Variants in RNFT2 observed in about 807,000 individuals in gnomAD.
RNFT2 encodes the protein ring finger protein, transmembrane 2.
In RNFT2, 36 loss-of-function variants were observed where a neutral mutation model predicts 53.0. The ratio of observed to expected loss-of-function variants is 0.68; its 90% CI spans 0.52 to 0.90. RNFT2 has a LOEUF of 0.90. Among genes scored for constraint, RNFT2 ranks in the 40% least tolerant of loss-of-function variants. The probability of loss-of-function intolerance (pLI) is 0.00; values close to 1 mark genes in which losing one functional copy is unlikely to be tolerated. For missense variants in RNFT2, 514 were observed against 585.6 expected, an observed-to-expected ratio of 0.88 and a Z score of 1.26; for synonymous variants, 260 against 253.2, an observed-to-expected ratio of 1.03 and a Z score of -0.26.
chr12:116,800,424 C>T lies in RNFT2; in HGVS notation c.882+21076C>T, dbSNP rs150980888. ...GAAGCGGGCAGATCACCTGAGGTCA[C>T]GGGTTCAAGTCCAGCCTGGCCAACA... On this transcript the variant is annotated intron_variant, in intron 7 of 10. Transcript: ENST00000257575. Among the ~76,000 whole-genome samples, 6 of 151,770 alleles carry T rather than the reference C, an allele frequency of 4.0e-5. No homozygotes were observed. The East Asian group carries it at 5.8e-4, about 15-fold the overall frequency.
At chr12:116,757,084 C>T (rs943252793) in intron 5 of RNFT2, among the ~76,000 whole-genome samples, 9 of 152,044 alleles carry the variant, frequency 5.9e-5, no homozygotes, top group African/African-American at 2.2e-4. Flanking sequence ...ATTTATCCAT[C>T]TCTTCTAGGT....
intron 1 of RNFT2, among the ~76,000 whole-genome samples, chr12:116,739,513 A>C (rs1871491166): frequency 6.6e-6 from 1 of 152,260 alleles, no homozygotes; most frequent in Admixed American, 6.5e-5. Context: ...TGAATAATAT[A>C]AAACAGGGCA....
chr12:116,836,101 C>A, intron 9 of RNFT2, 76 bp downstream of exon 9: 3 of 1,600,100 alleles, frequency 1.9e-6, no homozygotes, highest in Non-Finnish European at 1.7e-6. Context: ...CCTTCCTCAG[C>A]CCACAGATCT....
At chr12:116,845,565 A>C (rs1877569138) in intron 10 of RNFT2, among the ~76,000 whole-genome samples, 2 of 152,102 alleles carry the variant, frequency 1.3e-5, no homozygotes, top group Non-Finnish European at 2.9e-5. Flanking sequence ...GTTGGTTGGA[A>C]GGCTGTGAAT....
rs1875673685 is a variant in RNFT2, at chr12:116,816,414, T to C, written c.883-17378T>C. Among the ~76,000 whole-genome samples, 12 of 152,178 alleles carry C rather than the reference T, an allele frequency of 7.9e-5. No homozygotes were observed. The South Asian group carries it at 2.5e-3, about 32-fold the overall frequency. ...GCCTGGCCCCAAGGACTCTGCCAGCTGGCCCCTGGGACCATAGCACCAGAG... is the reference window on the plus strand; with the variant it reads ...GCCTGGCCCCAAGGACTCTGCCAGCCGGCCCCTGGGACCATAGCACCAGAG... On this transcript the variant is annotated intron_variant, in intron 7 of 10. Transcript: ENST00000257575.
In RNFT2 at chr12:116,813,438, T is replaced by C. The variant is rs368390146; in HGVS notation, c.883-20354T>C. 2.0e-4 allele frequency among the ~76,000 whole-genome samples: 31 copies of C among 152,316 alleles called. No individual in the cohort carries two copies. In the East Asian group the frequency reaches 2.1e-3, roughly 10 times the overall value. On this transcript the variant is annotated intron_variant, in intron 7 of 10. Transcript: ENST00000257575. ...TAGGAACACTGTCTCCCCAGCCCCATCTGGCTGACCCCTCATCACCCCATC... is the reference window on the plus strand; with the variant it reads ...TAGGAACACTGTCTCCCCAGCCCCACCTGGCTGACCCCTCATCACCCCATC...
rs188134222 is a variant in RNFT2 at position 116,740,393 on chromosome 12, G to A, written c.-105G>A. 491 of 1,145,416 alleles carry A rather than the reference G, an allele frequency of 4.3e-4. 2 individuals are homozygous for A. In the African/African-American group the frequency reaches 5.8e-3, roughly 13 times the overall value. The allele number at this position is 1,145,416 out of a possible 1,614,324, so 71.0% of individuals were successfully genotyped here. A position where few individuals can be genotyped will look rare whatever the true frequency, so the allele number is the denominator to read the frequency against. ...CCTGACTGTGCATCCCTCTGGAGACGAAGAGGAGGGGGAGGCCTGTCCTCT... is the reference window on the plus strand; with the variant it reads ...CCTGACTGTGCATCCCTCTGGAGACAAAGAGGAGGGGGAGGCCTGTCCTCT... On this transcript the variant is annotated 5_prime_UTR_variant, in exon 2 of 11. Transcript: ENST00000257575.
At chr12:116,753,717 C>G (rs1393450671) in intron 4 of RNFT2, among the ~76,000 whole-genome samples, 2 of 152,164 alleles carry the variant, frequency 1.3e-5, no homozygotes, top group African/African-American at 4.8e-5. Flanking sequence ...CCAGCCCTTA[C>G]CAGACTGCAC....
At chr12:116,775,261 CAAAAAA>C (rs5801198) in intron 6 of RNFT2, among the ~76,000 whole-genome samples, 18 of 116,800 alleles carry the variant, frequency 1.5e-4, no homozygotes, top group South Asian at 3.0e-4. Context: ...ACTCCCGTCT[CAAAAAA>C]AAAAAAAAAA....
At chr12:116,784,444 A>G (rs1191084075) in intron 7 of RNFT2, among the ~76,000 whole-genome samples, 1 of 152,194 alleles carries the variant, frequency 6.6e-6, no homozygotes, top group Non-Finnish European at 1.5e-5. Flanking sequence ...GTCCTTATCC[A>G]ATCAACTGTT....
chr12:116,789,472 G>A (rs1337088987), intron 7 of RNFT2, among the ~76,000 whole-genome samples: 1 of 149,090 alleles, frequency 6.7e-6, no homozygotes, highest in Non-Finnish European at 1.5e-5. Context: ...ATGGGTGGAT[G>A]GGTAAATGGG....
At chr12:116,743,767 A>C (rs1186828221) in intron 3 of RNFT2, among the ~76,000 whole-genome samples, 4 of 152,148 alleles carry the variant, frequency 2.6e-5, no homozygotes, top group Non-Finnish European at 5.9e-5. Context: ...CCCCGGTCCC[A>C]GCACTGGGAC....
intron 3 of RNFT2, among the ~76,000 whole-genome samples, chr12:116,743,106 AGGT>A: frequency 8.7e-6 from 1 of 114,536 alleles, no homozygotes; most frequent in Non-Finnish European, 1.9e-5. Context: ...AAAAAAAAAA[AGGT>A]TAAATGAAGC....
At chr12:116,801,782 T>G (rs1346778523) in intron 7 of RNFT2, among the ~76,000 whole-genome samples, 3 of 151,488 alleles carry the variant, frequency 2.0e-5, no homozygotes, top group Non-Finnish European at 4.4e-5. Context: ...TTTATTGGTT[T>G]GTTTGTTTTC....
intron 3 of RNFT2, among the ~76,000 whole-genome samples, chr12:116,744,895 G>T (rs1436033162): frequency 6.6e-6 from 1 of 152,090 alleles, no homozygotes; most frequent in Admixed American, 6.6e-5. Flanking sequence ...GGGCCCCTTG[G>T]GTGGCCACGG....
chr12:116,759,464 T>C (rs1872613867), intron 5 of RNFT2, among the ~76,000 whole-genome samples: 2 of 152,234 alleles, frequency 1.3e-5, no homozygotes, highest in Admixed American at 1.3e-4. Context: ...GGGATGGTTT[T>C]CTGGTTCCTT....
At chr12:116,848,585 C>A (rs1565878030) in intron 10 of RNFT2, among the ~76,000 whole-genome samples, 1 of 152,126 alleles carries the variant, frequency 6.6e-6, no homozygotes, top group South Asian at 2.1e-4. Context: ...ACAACCCCAG[C>A]CCAGCTATCC....
intron 7 of RNFT2, among the ~76,000 whole-genome samples, chr12:116,782,843 C>T (rs967728039): frequency 2.0e-5 from 3 of 152,170 alleles, no homozygotes; most frequent in Non-Finnish European, 2.9e-5. Context: ...GTGCCCTCCT[C>T]GTACCCTTCT....
chr12:116,852,540 G>A lies in RNFT2; in HGVS notation c.*3092G>A. ...TGGGAAGGGGAAGCAGAGGGAAATG[G>A]GGCCATGTGAATGCAGCTGCTCTGT... On this transcript the variant is annotated 3_prime_UTR_variant, in exon 11 of 11. Coordinates refer to ENST00000257575, the MANE Select transcript of RNFT2 (RefSeq NM_001382266.1). The A allele has an allele frequency of 6.3e-7, 1 of 1,584,370 alleles. No homozygotes were observed. Among genetic ancestry groups the A allele is most frequent in the Non-Finnish European group, 8.6e-7 (1 of 1,164,502 alleles).
Sources: gnomAD v4.1 joint callset for allele counts (sites outside exome capture counted in the v4.1 genomes callset) on GRCh38, gnomAD v4.1.1 for gene constraint, MANE v1.5 for transcripts, NCBI Gene and HGNC (gene_info 2026-07-23, HGNC 2026-07-21) for gene names.